The following MYBL1 variants were observed in gnomAD, a reference collection of about 807,000 sequenced individuals.
MYBL1 encodes the protein myb-related protein A.
MYBL1 carries 17 observed loss-of-function variants against 96.3 expected under a neutral mutation model. That is an observed-to-expected ratio of 0.18 (90% CI 0.12 to 0.26). The LOEUF (loss-of-function observed/expected upper bound fraction) is 0.26, where lower values mean the gene tolerates loss of function less well. Ranked by LOEUF, MYBL1 falls within the 10% of genes least tolerant of loss-of-function variation. The probability of loss-of-function intolerance (pLI) is 1.00; values close to 1 mark genes in which losing one functional copy is unlikely to be tolerated. For missense variants in MYBL1, 701 were observed against 882.9 expected, an observed-to-expected ratio of 0.79 and a Z score of 2.61; for synonymous variants, 282 against 292.7, an observed-to-expected ratio of 0.96 and a Z score of 0.37.
intron 1 of MYBL1, among the ~76,000 whole-genome samples, chr8:66,606,813 T>TG (rs1353132881): frequency 6.6e-6 from 1 of 151,768 alleles, no homozygotes; most frequent in Non-Finnish European, 1.5e-5. Context: ...TTTTTTGAGA[T>TG]GGAGTCTTGC....
chr8:66,595,517 C>A (rs1809815884), intron 6 of MYBL1, 66 bp downstream of exon 6: 1 of 1,051,666 alleles, frequency 9.5e-7, no homozygotes, highest in Non-Finnish European at 1.3e-6. Flanking sequence ...ATTAAGAAAC[C>A]AAACATCTTC....
In MYBL1 at chr8:66,595,614, T is replaced by A; in HGVS notation, c.656A>T (p.Gln219Leu). The A allele has an allele frequency of 6.3e-7, 1 of 1,586,932 alleles. No homozygotes were observed. Among genetic ancestry groups the A allele is most frequent in the East Asian group, 2.3e-5 (1 of 43,964 alleles). ...AGGTATGTAAAACTGATTCTGGGTT[T>A]GCATATGATCCATAGCTGCACAAGG... ...HKPCAAMDHM[Q>L]TQNQFYIPVQ... The change falls in exon 6 of 16, where the codon CAA becomes CTA. Residue 219 changes from glutamine (Q) to leucine (L), a missense_variant. Gln to Leu is a moderately radical substitution (Grantham distance 113, BLOSUM62 -2). This residue lies in a region of MYBL1 where 396 missense variants were observed against 407.4 expected (regional missense o/e 0.97). Coordinates refer to ENST00000522677, the MANE Select transcript of MYBL1 (RefSeq NM_001080416.4).
At chr8:66,572,091 G>A (rs1211266912) in intron 12 of MYBL1, among the ~76,000 whole-genome samples, 2 of 151,422 alleles carry the variant, frequency 1.3e-5, no homozygotes, top group African/African-American at 4.9e-5. Flanking sequence ...GGGGGGAGGG[G>A]GGTGGATCAC....
chr8:66,602,331 G>A (rs550435317), intron 2 of MYBL1, 87 bp downstream of exon 2: 15 of 871,384 alleles, frequency 1.7e-5, no homozygotes, highest in African/African-American at 5.2e-5. Context: ...GATTACAGGC[G>A]TGAGCCACCA....
In MYBL1 at chr8:66,564,056, G is replaced by A. The variant is rs1442041043; in HGVS notation, c.*641C>T. 6.6e-6 allele frequency: 1 copy of A among 152,164 alleles called. No homozygotes were observed. Among genetic ancestry groups the A allele is most frequent in the Non-Finnish European group, 1.5e-5 (1 of 67,850 alleles). 9.4% of individuals were successfully genotyped at this position (152,164 alleles called of 1,614,324 possible). A position where few individuals can be genotyped will look rare whatever the true frequency, so the allele number is the denominator to read the frequency against. On this transcript the variant is annotated 3_prime_UTR_variant, in exon 16 of 16. Transcript: ENST00000522677. ...ATTCAACAAAACTCTCAGCTCCTCT[G>A]AGATTAAGAAAATACTATTTACTAA...
chr8:66,592,632 C>T, intron 7 of MYBL1, 88 bp from the exon 8 acceptor site: 1 of 738,506 alleles, frequency 1.4e-6, no homozygotes, highest in Admixed American at 3.1e-5. Context: ...TTCTATGCAA[C>T]ATGAAATATA....
chr8:66,567,091 C>A (rs1808534759), intron 12 of MYBL1, 99 bp from the exon 13 acceptor site: 2 of 719,662 alleles, frequency 2.8e-6, no homozygotes, highest in South Asian at 1.9e-5. Context: ...CCATTATTGT[C>A]ATAATTTTCT....
intron 1 of MYBL1, among the ~76,000 whole-genome samples, chr8:66,610,674 C>T (rs1382722011): frequency 1.3e-5 from 2 of 152,128 alleles, no homozygotes; most frequent in African/African-American, 2.4e-5. Context: ...ACAATTCACA[C>T]TCTATCCTCT....
At chr8:66,602,722 TA>T (rs1563551138) in intron 1 of MYBL1, among the ~76,000 whole-genome samples, 199 bp from the exon 2 acceptor site, 22 of 47,620 alleles carry the variant, frequency 4.6e-4, no homozygotes, top group African/African-American at 1.7e-3. Context: ...TATATATATA[TA>T]TATATATATA....
chr8:66,580,996 G>A (rs913325473), intron 8 of MYBL1, among the ~76,000 whole-genome samples: 3 of 151,816 alleles, frequency 2.0e-5, no homozygotes, highest in Non-Finnish European at 4.4e-5. Context: ...GGGTAGCTGG[G>A]ATTACAGGTA....
intron 2 of MYBL1, 66 bp from the exon 3 acceptor site, chr8:66,601,835 A>G (rs1810085600): frequency 2.7e-6 from 2 of 728,824 alleles, no homozygotes; most frequent in Non-Finnish European, 4.5e-6. Context: ...CTAAATATAG[A>G]TAACTCTCCA....
intron 9 of MYBL1, 45 bp downstream of exon 9, chr8:66,580,088 A>AT (rs1563534661): frequency 7.3e-7 from 1 of 1,378,628 alleles, no homozygotes; most frequent in Non-Finnish European, 1.0e-6. Context: ...ATGAAATCAT[A>AT]TAACTAAAAT....
chr8:66,566,621 A>G, intron 14 of MYBL1, 63 bp downstream of exon 14: 1 of 1,101,510 alleles, frequency 9.1e-7, no homozygotes, highest in Non-Finnish European at 1.3e-6. Context: ...TGAGTAAGAA[A>G]TAAGAACCTC....
rs1808428469 is a variant in MYBL1, at chr8:66,564,552, T to G, written c.*145A>C. 2.0e-6 allele frequency: 1 copy of G among 493,582 alleles called. No homozygotes were observed. The highest frequency in any genetic ancestry group is 2.0e-5 in the African/African-American group (1 of 50,072). The allele number at this position is 493,582 out of a possible 1,614,324, so 30.6% of individuals were successfully genotyped here. A position where few individuals can be genotyped will look rare whatever the true frequency, so the allele number is the denominator to read the frequency against. On this transcript the variant is annotated 3_prime_UTR_variant, in exon 16 of 16. Coordinates refer to ENST00000522677, the MANE Select transcript of MYBL1 (RefSeq NM_001080416.4). ...TTAAGTGACTTACTAGCTTTCTGCCTACTATATAGAATAGAAAAAAGATGC... is the reference window on the plus strand; with the variant it reads ...TTAAGTGACTTACTAGCTTTCTGCCGACTATATAGAATAGAAAAAAGATGC...
At chr8:66,596,811 C>T (rs1368275963) in intron 5 of MYBL1, among the ~76,000 whole-genome samples, 1 of 152,054 alleles carries the variant, frequency 6.6e-6, no homozygotes, top group East Asian at 1.9e-4. Context: ...CACATCACTG[C>T]CTCTGAGGAA....
chr8:66,577,826 C>CTA (rs1809027163), intron 9 of MYBL1, among the ~76,000 whole-genome samples: 2 of 152,230 alleles, frequency 1.3e-5, no homozygotes, highest in African/African-American at 2.4e-5. Context: ...TGATTTCAAA[C>CTA]TATACTACAA....
At chr8:66,582,015 T>C (rs891140283) in intron 8 of MYBL1, among the ~76,000 whole-genome samples, 9 of 152,024 alleles carry the variant, frequency 5.9e-5, no homozygotes, top group African/African-American at 2.2e-4. Flanking sequence ...TGTAAAAGTA[T>C]AAAATTCACT....
At chr8:66,569,821 C>T (rs1398843762) in intron 12 of MYBL1, among the ~76,000 whole-genome samples, 10 of 152,186 alleles carry the variant, frequency 6.6e-5, no homozygotes, top group Non-Finnish European at 1.2e-4. Flanking sequence ...GCATTTAATA[C>T]TTTTCAGGTT....
rs562236847 is a variant in MYBL1, at chr8:66,571,678, C to T, written c.1728+804G>A. On this transcript the variant is annotated intron_variant, in intron 12 of 15. Coordinates refer to ENST00000522677, the MANE Select transcript of MYBL1 (RefSeq NM_001080416.4). ...TGGGTGGATCACGAGGTCAGGAGAT[C>T]GAGACCATCCTGGCCAACATGGTGA... is the stretch of plus-strand genomic sequence containing the variant. Among the ~76,000 whole-genome samples the T allele has an allele frequency of 4.0e-5, 6 of 151,874 alleles. No individual in the cohort carries two copies. In the South Asian group the frequency reaches 8.3e-4, roughly 21 times the overall value.
Sources: allele counts gnomAD v4.1 joint callset (sites outside exome capture counted in the v4.1 genomes callset), GRCh38; gene constraint gnomAD v4.1.1; regional missense constraint gnomAD v4.1.1; transcripts MANE v1.5; gene names NCBI Gene and HGNC (gene_info 2026-07-23, HGNC 2026-07-21).